FNIP2: variants seen among roughly 807,000 people sequenced by gnomAD.
FNIP2 encodes the protein folliculin-interacting protein 2.
Under a neutral mutation model 108.7 loss-of-function variants are expected in FNIP2, and 32 were observed. The observed-to-expected ratio is 0.29, with a 90% CI of 0.22 to 0.40. The LOEUF is 0.40. Among genes scored for constraint, FNIP2 ranks in the 10% least tolerant of loss-of-function variants. The probability of loss-of-function intolerance (pLI) is 1.00; values close to 1 mark genes in which losing one functional copy is unlikely to be tolerated. For missense variants in FNIP2, 1,202 were observed against 1,381.6 expected (o/e 0.87, Z 2.06); for synonymous variants, 480 against 496.7 (o/e 0.97, Z 0.45).
intron 1 of FNIP2, chr4:158,806,297 ACT>A (rs1776952673): frequency 2.3e-6 from 3 of 1,289,118 alleles, no homozygotes; most frequent in African/African-American, 1.5e-5. Context: ...AGCTGGCAAG[ACT>A]CTGCCAGATG....
chr4:158,860,072 A>G (rs1407860216), intron 10 of FNIP2, among the ~76,000 whole-genome samples: 1 of 152,202 alleles, frequency 6.6e-6, no homozygotes, highest in Admixed American at 6.5e-5. Context: ...GAAGACATAC[A>G]TTCCAGTTTG....
chr4:158,838,067 T>C (rs1398261343), intron 7 of FNIP2, among the ~76,000 whole-genome samples: 1 of 152,212 alleles, frequency 6.6e-6, no homozygotes, highest in African/African-American at 2.4e-5. Flanking sequence ...CTGTAATTTG[T>C]TCGCTAAGAT....
chr4:158,816,860 T>G (rs1777607223), intron 1 of FNIP2, among the ~76,000 whole-genome samples: 1 of 152,072 alleles, frequency 6.6e-6, no homozygotes, highest in South Asian at 2.1e-4. Context: ...AGCTCTTTTT[T>G]TTTTGTCAGT....
intron 14 of FNIP2, 108 bp downstream of exon 14, chr4:158,870,577 T>C: frequency 7.2e-7 from 1 of 1,381,196 alleles, no homozygotes; most frequent in Non-Finnish European, 9.8e-7. Flanking sequence ...GGGTTGTTTA[T>C]GGAGATGTGG....
chr4:158,848,469 C>T (rs1186172039), intron 7 of FNIP2, among the ~76,000 whole-genome samples: 1 of 152,210 alleles, frequency 6.6e-6, no homozygotes. Flanking sequence ...ACCCAAGTCC[C>T]TTCAAATATT....
intron 16 of FNIP2, among the ~76,000 whole-genome samples, chr4:158,897,002 C>G (rs1039349102): frequency 3.3e-5 from 5 of 152,080 alleles, no homozygotes; most frequent in African/African-American, 9.7e-5. Flanking sequence ...CCCAGCCCCC[C>G]ACCCGCCAAA....
At chr4:158,834,000 T>A in intron 6 of FNIP2, 1 of 630,428 alleles carries the variant, frequency 1.6e-6, no homozygotes, top group South Asian at 2.1e-5. Flanking sequence ...GGGGCTCTTG[T>A]GATCACAGAT....
intron 1 of FNIP2, among the ~76,000 whole-genome samples, chr4:158,796,373 A>G (rs1776591687): frequency 1.3e-5 from 2 of 151,100 alleles, no homozygotes. Flanking sequence ...CACAGATATA[A>G]TTTTCTAACT....
chr4:158,853,328 T>A (rs1185234467), intron 8 of FNIP2, among the ~76,000 whole-genome samples: 1 of 152,220 alleles, frequency 6.6e-6, no homozygotes, highest in Non-Finnish European at 1.5e-5. Context: ...ATCTTTCTGC[T>A]GATGCAGTCT....
chr4:158,798,090 G>C (rs879355821), intron 1 of FNIP2, among the ~76,000 whole-genome samples: 2 of 151,922 alleles, frequency 1.3e-5, no homozygotes, highest in African/African-American at 2.4e-5. Flanking sequence ...TTAGAGACAG[G>C]GTCTTGCCCT....
In FNIP2 at chr4:158,861,335, T is replaced by C; in HGVS notation, c.1149-7T>C. ...CTTTTGTGTTTCCCTCTCTTTCTGT[T>C]CTATAGAGGAACTATCTGGAACTTA... On this transcript the variant is annotated splice_region_variant and splice_polypyrimidine_tract_variant and intron_variant, in intron 10 of 16. Coordinates refer to ENST00000264433, the MANE Select transcript of FNIP2 (RefSeq NM_020840.3). 6.2e-7 allele frequency: 1 copy of C among 1,610,236 alleles called. No homozygotes were observed. Among genetic ancestry groups the C allele is most frequent in the Non-Finnish European group, 8.5e-7 (1 of 1,178,736 alleles).
At chr4:158,840,067 T>C (rs1779037867) in intron 7 of FNIP2, among the ~76,000 whole-genome samples, 1 of 152,180 alleles carries the variant, frequency 6.6e-6, no homozygotes, top group South Asian at 2.1e-4. Flanking sequence ...AGAAGAGGGT[T>C]GGGTGTCAGC....
At chr4:158,859,456 C>A in intron 9 of FNIP2, 122 bp from the exon 10 acceptor site, 2 of 1,044,686 alleles carry the variant, frequency 1.9e-6, no homozygotes, top group South Asian at 1.6e-5. Flanking sequence ...TTTTTCGTGA[C>A]TGAAGGCATT....
chr4:158,780,887 T>C (rs1419056590), intron 1 of FNIP2, among the ~76,000 whole-genome samples: 1 of 151,984 alleles, frequency 6.6e-6, no homozygotes, highest in Admixed American at 6.6e-5. Flanking sequence ...ACAAAAAAAT[T>C]AGCCGGGTGT....
At chr4:158,891,331 C>A in intron 14 of FNIP2, 115 bp from the exon 15 acceptor site, 1 of 928,226 alleles carries the variant, frequency 1.1e-6, no homozygotes, top group East Asian at 2.6e-5. Context: ...CTGCTCTATC[C>A]ATAACTGCCT....
intron 15 of FNIP2, among the ~76,000 whole-genome samples, 173 bp downstream of exon 15, chr4:158,891,819 A>G (rs1354930539): frequency 6.6e-6 from 1 of 152,240 alleles, no homozygotes; most frequent in Non-Finnish European, 1.5e-5. Flanking sequence ...TTCAGTAGTA[A>G]TAGCTCTTCC....
intron 14 of FNIP2, among the ~76,000 whole-genome samples, chr4:158,879,172 G>A (rs1406427208): frequency 6.7e-6 from 1 of 150,334 alleles, no homozygotes; most frequent in African/African-American, 2.5e-5. Context: ...TAAGCACACT[G>A]ACTCCCAAGT....
intron 1 of FNIP2, chr4:158,795,713 C>G (rs942981023): frequency 3.3e-5 from 5 of 152,268 alleles, no homozygotes; most frequent in African/African-American, 1.2e-4. Flanking sequence ...GTATTTACAG[C>G]TGATCCCCAT....
intron 7 of FNIP2, 154 bp downstream of exon 7, chr4:158,835,630 T>A: frequency 3.3e-6 from 2 of 604,058 alleles, no homozygotes; most frequent in African/African-American, 1.8e-5. Flanking sequence ...TCTGAAACTT[T>A]AATGTACAGT....
Sources: gnomAD v4.1 joint callset for allele counts (sites outside exome capture counted in the v4.1 genomes callset) on GRCh38, gnomAD v4.1.1 for gene constraint, MANE v1.5 for transcripts, NCBI Gene and HGNC (gene_info 2026-07-23, HGNC 2026-07-21) for gene names.